The following PASD1 variants were observed in gnomAD, a reference collection of about 807,000 sequenced individuals.
PASD1 encodes PAS domain containing repressor 1.
Under a neutral mutation model 58.8 loss-of-function variants are expected in PASD1, and 13 were observed. That is an observed-to-expected ratio of 0.22 (90% confidence interval 0.14 to 0.35). The LOEUF is 0.35. Among genes scored for constraint, PASD1 ranks in the 10% least tolerant of loss-of-function variants. The pLI is 1.00. For synonymous variants in PASD1, 236 were observed against 216.7 expected (o/e 1.09, Z -0.78); for missense variants, 734 against 568.3 (o/e 1.29, Z -2.96).
In PASD1 at chrX:151,674,201, C is replaced by A; in HGVS notation, c.2175+15C>A. 8.3e-7 allele frequency: 1 copy of A among 1,209,859 alleles called. No individual in the cohort carries two copies. On this transcript the variant is annotated intron_variant, in intron 15 of 15. Transcript: ENST00000370357. ...CCTACCATCAGGTATGGGACAGCCC[C>A]CTCCTTTTCCTTCCAGCGCAGGTCA... is the stretch of plus-strand genomic sequence containing the variant.
chrX:151,595,025 C>T (rs1047330102), intron 1 of PASD1, among the ~76,000 whole-genome samples: 3 of 111,699 alleles, frequency 2.7e-5, no homozygotes, highest in African/African-American at 9.8e-5. Flanking sequence ...TATTTTTCCT[C>T]CTGTATTAAA....
chrX:151,671,575 G>A lies in PASD1; in HGVS notation c.1233G>A (p.Lys411=), dbSNP rs769624283. 6 of 1,208,548 alleles carry A rather than the reference G, an allele frequency of 5.0e-6. No homozygotes were observed. The highest frequency in any genetic ancestry group is 6.7e-6 in the Non-Finnish European group (6 of 894,496). The change falls in exon 13 of 16, where the codon AAG becomes AAA. Residue 411 remains lysine, a splice_region_variant and synonymous_variant. Transcript: ENST00000370357. The part of the protein sequence containing the change: ...ALELMMDHLQ[K]QPNTLRHVVI... ...TTTGTGATACTGTGTCCTTACAGAA[G>A]CAGCCAAACACATTACGCCACGTTG...
At position 151,671,695 on chromosome X, in the gene PASD1, C is replaced by T. The variant is rs774374434; in HGVS notation, c.1353C>T (p.Asp451=). The change falls in exon 13 of 16, where the codon GAC becomes GAT. Residue 451 remains aspartate, a synonymous_variant. Transcript: ENST00000370357. ...AGCGGCCTCTCCCACATCCCAAGGA[C>T]GTCAAGTGTTTCTGTGGTTTATCTT... ...QVKRPLPHPK[D]VKCFCGLSLS... is the part of the protein sequence containing the mutation. 2.8e-5 allele frequency: 34 copies of T among 1,208,824 alleles called. No homozygotes were observed. Among genetic ancestry groups the T allele is most frequent in the East Asian group, 1.2e-4 (4 of 33,763 alleles).
rs185875484 is a variant in PASD1, at chrX:151,676,176, G to T, written c.*33G>T. On this transcript the variant is annotated 3_prime_UTR_variant, in exon 16 of 16. Coordinates refer to ENST00000370357, the MANE Select transcript of PASD1 (RefSeq NM_173493.3). ...TTCATGACCAGTGATGAGGGGAAATGGGGGGAGGGGGCAGGCCAATGAGGT... is the reference window on the plus strand; with the variant it reads ...TTCATGACCAGTGATGAGGGGAAATTGGGGGAGGGGGCAGGCCAATGAGGT... The T allele has an allele frequency of 1.8e-4, 211 of 1,185,413 alleles. No homozygotes were observed. In the African/African-American group the frequency reaches 2.8e-3, roughly 16 times the overall value.
chrX:151,676,478 G>T lies in PASD1; in HGVS notation c.*335G>T. 5.1e-6 allele frequency: 1 copy of T among 195,394 alleles called. No homozygotes were observed. Among genetic ancestry groups the T allele is most frequent in the Non-Finnish European group, 9.4e-6 (1 of 105,923 alleles). 16.1% of individuals were successfully genotyped at this position (195,394 alleles called of 1,213,427 possible). A position where few individuals can be genotyped will look rare whatever the true frequency, so the allele number is the denominator to read the frequency against. ...GTGGCCTGCCAAGAGTCTGCTCAAA[G>T]TTTTCAACATAAAGAATAAAGAAAA... On this transcript the variant is annotated 3_prime_UTR_variant, in exon 16 of 16. Coordinates refer to ENST00000370357, the MANE Select transcript of PASD1 (RefSeq NM_173493.3).
At chrX:151,649,919 T>C (rs1399840777) in intron 9 of PASD1, among the ~76,000 whole-genome samples, 3 of 112,302 alleles carry the variant, frequency 2.7e-5, no homozygotes, top group Non-Finnish European at 5.6e-5. Flanking sequence ...TGAGCACATA[T>C]TTTAAACATG....
chrX:151,589,249 A>G (rs1278540913), intron 1 of PASD1, among the ~76,000 whole-genome samples: 2 of 111,275 alleles, frequency 1.8e-5, no homozygotes, highest in Non-Finnish European at 1.9e-5. Context: ...AGGTGCCATG[A>G]TACCCTGACT....
intron 9 of PASD1, among the ~76,000 whole-genome samples, chrX:151,653,713 T>G (rs2014166206): frequency 1.0e-5 from 1 of 96,369 alleles, no homozygotes; most frequent in Non-Finnish European, 2.1e-5. Flanking sequence ...TTCTTCTTCT[T>G]CCCCTTCCTT....
intron 14 of PASD1, chrX:151,673,691 A>G: frequency 2.3e-6 from 1 of 437,362 alleles, no homozygotes; most frequent in Non-Finnish European, 4.0e-6. Flanking sequence ...AGACTGTCCA[A>G]GTAATATAAA....
Position 151,676,478 on chromosome X carries a change from G to C in PASD1, c.*335G>C. The C allele has an allele frequency of 5.1e-6, 1 of 195,394 alleles. No individual in the cohort carries two copies. Among genetic ancestry groups the C allele is most frequent in the Non-Finnish European group, 9.4e-6 (1 of 105,923 alleles). 16.1% of individuals were successfully genotyped at this position (195,394 alleles called of 1,213,427 possible). On this transcript the variant is annotated 3_prime_UTR_variant, in exon 16 of 16. Transcript: ENST00000370357. ...GTGGCCTGCCAAGAGTCTGCTCAAA[G>C]TTTTCAACATAAAGAATAAAGAAAA...
At chrX:151,609,607 T>C (rs1171672555) in intron 3 of PASD1, among the ~76,000 whole-genome samples, 3 of 112,196 alleles carry the variant, frequency 2.7e-5, no homozygotes. Context: ...AATATCTTCA[T>C]GTTTCATCCA....
chrX:151,611,282 A>G (rs1467393234), intron 3 of PASD1, among the ~76,000 whole-genome samples: 1 of 112,145 alleles, frequency 8.9e-6, no homozygotes, highest in Non-Finnish European at 1.9e-5. Flanking sequence ...ATTTATAAGG[A>G]GATGACTAAC....
chrX:151,664,467 T>G (rs2014354407), intron 11 of PASD1, 119 bp downstream of exon 11: 2 of 1,073,627 alleles, frequency 1.9e-6, no homozygotes, highest in Middle Eastern at 3.5e-4. Flanking sequence ...TGTTACTTTT[T>G]CAAAACTATA....
intron 15 of PASD1, among the ~76,000 whole-genome samples, chrX:151,675,438 C>T: frequency 1.8e-5 from 2 of 112,188 alleles, no homozygotes; most frequent in Admixed American, 1.9e-4. Flanking sequence ...TCTTCTCCGC[C>T]CCCTTGGGTT....
At chrX:151,650,344 T>C in intron 9 of PASD1, among the ~76,000 whole-genome samples, 1 of 110,066 alleles carries the variant, frequency 9.1e-6, no homozygotes, top group Non-Finnish European at 1.9e-5. Context: ...AAATATATAA[T>C]GCCTAAGTAA....
chrX:151,621,406 G>T, intron 5 of PASD1, 76 bp from the exon 6 acceptor site: 1 of 753,103 alleles, frequency 1.3e-6, no homozygotes, highest in Non-Finnish European at 1.9e-6. Context: ...AAAGACATTG[G>T]TCATATGAAA....
chrX:151,671,523 G>A (rs1458893882), intron 12 of PASD1, 50 bp from the exon 13 acceptor site: 1 of 1,168,020 alleles, frequency 8.6e-7, no homozygotes, highest in Admixed American at 2.2e-5. Flanking sequence ...TATGCCTTAA[G>A]GAAAGGTGTG....
chrX:151,564,716 TTA>T (rs1491279231), intron 1 of PASD1, among the ~76,000 whole-genome samples: 8 of 65,325 alleles, frequency 1.2e-4, no homozygotes, highest in African/African-American at 1.8e-4. Context: ...TCTACAAAAA[TTA>T]AAAAAAAAAA....
chrX:151,617,840 T>G (rs945725106), intron 4 of PASD1, among the ~76,000 whole-genome samples: 1 of 111,455 alleles, frequency 9.0e-6, no homozygotes, highest in Non-Finnish European at 1.9e-5. Flanking sequence ...AGCCTTAATT[T>G]GCTGATGAAT....
Sources: gnomAD v4.1 joint callset for allele counts (sites outside exome capture counted in the v4.1 genomes callset) on GRCh38, gnomAD v4.1.1 for gene constraint, MANE v1.5 for transcripts, NCBI Gene and HGNC (gene_info 2026-07-23, HGNC 2026-07-21) for gene names.